Variants in FBXO8 observed in about 807,000 individuals in gnomAD.
FBXO8 encodes the protein F-box only protein 8.
A neutral mutation model predicts 33.4 loss-of-function variants in FBXO8; 15 were observed. The ratio of observed to expected loss-of-function variants is 0.45; its 90% confidence interval spans 0.30 to 0.69. The LOEUF is 0.69. FBXO8 is among the 30% of genes least tolerant of loss of function. The probability of loss-of-function intolerance (pLI) is 0.08; values close to 1 mark genes in which losing one functional copy is unlikely to be tolerated. For synonymous variants in FBXO8, 132 were observed against 131.5 expected (o/e 1.00, Z -0.02); for missense variants, 274 against 380.3 (o/e 0.72, Z 2.32).
intron 4 of FBXO8, among the ~76,000 whole-genome samples, chr4:174,240,551 A>G (rs929647670): frequency 2.6e-5 from 4 of 150,978 alleles, no homozygotes; most frequent in African/African-American, 9.7e-5. Flanking sequence ...GTACAAATGA[A>G]TAACTATCAA....
Position 174,262,678 on chromosome 4 carries a change from AT to A in FBXO8, c.329+85del. 1 of 1,164,584 alleles carries A rather than the reference AT, an allele frequency of 8.6e-7. No homozygotes were observed. The highest frequency in any genetic ancestry group is 1.6e-5 in the South Asian group (1 of 61,728). 72.1% of individuals were successfully genotyped at this position (1,164,584 alleles called of 1,614,324 possible). A position where few individuals can be genotyped will look rare whatever the true frequency, so the allele number is the denominator to read the frequency against. On this transcript the variant is annotated intron_variant, in intron 2 of 5. Transcript: ENST00000393674. The surrounding 1 kb of genome is among the most constrained non-coding windows in gnomAD (Gnocchi z 4.6). ...GTACAAGCCCAAGTTTAAAGAAAAT[AT>A]TTTGTAATATACATTATAAAAAGAA...
In FBXO8 at chr4:174,278,585, T is replaced by C. The variant is rs1160079575; in HGVS notation, c.-9+4825A>G. Among the ~76,000 whole-genome samples, 1 of 152,114 alleles carries C rather than the reference T, an allele frequency of 6.6e-6. No individual in the cohort carries two copies. The highest frequency in any genetic ancestry group is 1.5e-5 in the Non-Finnish European group (1 of 67,948). ...TGTATCATACTTCTCACTAGCATTA[T>C]TTTTAATTATATGGTTCTTACTTAA... is the stretch of plus-strand genomic sequence containing the variant. On this transcript the variant is annotated intron_variant, in intron 1 of 5. Transcript: ENST00000393674. The surrounding 1 kb of genome is among the most constrained non-coding windows in gnomAD (Gnocchi z 4.1).
In FBXO8 at chr4:174,262,300, A is replaced by G. The variant is rs1390799032; in HGVS notation, c.329+464T>C. On this transcript the variant is annotated intron_variant, in intron 2 of 5. Coordinates refer to ENST00000393674, the MANE Select transcript of FBXO8 (RefSeq NM_012180.3). The surrounding 1 kb of genome is among the most constrained non-coding windows in gnomAD (Gnocchi z 4.6). Reference sequence around the variant, plus strand: ...TTTGAAGAAATATAGAATTGAGTAAAAATGTAAGGCTCTATATGAAGAAAA... The same window carrying G: ...TTTGAAGAAATATAGAATTGAGTAAGAATGTAAGGCTCTATATGAAGAAAA... 6.6e-6 allele frequency among the ~76,000 whole-genome samples: 1 copy of G among 152,190 alleles called. No individual in the cohort carries two copies. The highest frequency in any genetic ancestry group is 1.5e-5 in the Non-Finnish European group (1 of 68,024).
chr4:174,261,323 G>GA lies in FBXO8; in HGVS notation c.329+1440dup, dbSNP rs1382663866. ...CAAATAGAAGCAATTTATTATTAAG[G>GA]AAAAAATCCAAGTATTATAAAAATA... On this transcript the variant is annotated intron_variant, in intron 2 of 5. Coordinates refer to ENST00000393674, the MANE Select transcript of FBXO8 (RefSeq NM_012180.3). The surrounding 1 kb of genome is among the most constrained non-coding windows in gnomAD (Gnocchi z 4.1). Among the ~76,000 whole-genome samples the GA allele has an allele frequency of 2.6e-5, 4 of 151,686 alleles. No homozygotes were observed. The highest frequency in any genetic ancestry group is 1.9e-4 in the East Asian group (1 of 5,160).
rs1435235749 is a variant in FBXO8 at position 174,256,493 on chromosome 4, G to C, written c.456+3206C>G. Among the ~76,000 whole-genome samples, 1 of 152,092 alleles carries C rather than the reference G, an allele frequency of 6.6e-6. No homozygotes were observed. The highest frequency in any genetic ancestry group is 1.5e-5 in the Non-Finnish European group (1 of 68,012). ...GCTAAAGTATGACTCATACAGATAAGTGCTATATAAGAACATTTATTAGGA... is the reference window on the plus strand; with the variant it reads ...GCTAAAGTATGACTCATACAGATAACTGCTATATAAGAACATTTATTAGGA... On this transcript the variant is annotated intron_variant, in intron 3 of 5. Coordinates refer to ENST00000393674, the MANE Select transcript of FBXO8 (RefSeq NM_012180.3). This position sits in a 1 kb window ranked among gnomAD's most constrained non-coding sequence, Gnocchi z 4.6.
chr4:174,260,915 A>G (rs1024631832), intron 2 of FBXO8, among the ~76,000 whole-genome samples: 1 of 151,932 alleles, frequency 6.6e-6, no homozygotes, highest in African/African-American at 2.4e-5. Context: ...TTCATTATTA[A>G]TTTCTGCCTC....
At position 174,270,616 on chromosome 4, in the gene FBXO8, T is replaced by C. The variant is rs768961134; in HGVS notation, c.-8-7516A>G. On this transcript the variant is annotated intron_variant, in intron 1 of 5. Transcript: ENST00000393674. The surrounding 1 kb of genome is among the most constrained non-coding windows in gnomAD (Gnocchi z 4.6). ...TTTATTCATGCTCATGTCTTAGGAA[T>C]AGTATTTTTTTTTTTTTTTGAGATT... is the stretch of plus-strand genomic sequence containing the variant. 6.7e-6 allele frequency among the ~76,000 whole-genome samples: 1 copy of C among 149,994 alleles called. No homozygotes were observed. The highest frequency in any genetic ancestry group is 1.5e-5 in the Non-Finnish European group (1 of 67,550).
chr4:174,279,404 A>T (rs1209512314), intron 1 of FBXO8, among the ~76,000 whole-genome samples: 1 of 152,078 alleles, frequency 6.6e-6, no homozygotes, highest in African/African-American at 2.4e-5. Context: ...TACAGATTGG[A>T]AGACTTATTA....
rs1313334851 is a variant in FBXO8, at chr4:174,262,124, G to A, written c.329+640C>T. ...TGGTTTTAATTCAGACTAGTACAAT[G>A]TGGAAATTTATGTAATCTAAGTTCA... On this transcript the variant is annotated intron_variant, in intron 2 of 5. Coordinates refer to ENST00000393674, the MANE Select transcript of FBXO8 (RefSeq NM_012180.3). The surrounding 1 kb of genome is among the most constrained non-coding windows in gnomAD (Gnocchi z 4.6). Among the ~76,000 whole-genome samples the A allele has an allele frequency of 6.6e-6, 1 of 152,016 alleles. No individual in the cohort carries two copies. The highest frequency in any genetic ancestry group is 1.5e-5 in the Non-Finnish European group (1 of 67,958).
rs1365701819 is a variant in FBXO8 at position 174,262,968 on chromosome 4, T to C, written c.125A>G (p.Asn42Ser). Residue 42 changes from asparagine to serine, a missense_variant, in exon 2 of 6, where the codon AAT (asparagine) becomes AGT (serine). Physicochemically the swap from Asn to Ser is conservative, Grantham distance 46. Around this residue, in one of 2 missense-constraint regions of FBXO8, gnomAD observed 88 missense variants for 86.9 expected, o/e 1.01. Transcript: ENST00000393674. This position sits in a 1 kb window ranked among gnomAD's most constrained non-coding sequence, Gnocchi z 4.6. ...GCCTCCTTGGACTTGTTTACGATGATTGGTGTTAGAAATGTTGCTCGCAGC... is the reference window on the plus strand; with the variant it reads ...GCCTCCTTGGACTTGTTTACGATGACTGGTGTTAGAAATGTTGCTCGCAGC... ...RMAASNISNT[N>S]HRKQVQGGID... is the part of the protein sequence containing the mutation. 8 of 1,614,026 alleles carry C rather than the reference T, an allele frequency of 5.0e-6. No homozygotes were observed. Among genetic ancestry groups the C allele is most frequent in the African/African-American group, 1.3e-5 (1 of 75,020 alleles).
At position 174,262,937 on chromosome 4, in the gene FBXO8, G is replaced by A. The variant is rs1461133105; in HGVS notation, c.156C>T (p.Asp52=). The change falls in exon 2 of 6, where the codon GAC becomes GAT. Residue 52 remains aspartate (D), a synonymous_variant. Coordinates refer to ENST00000393674, the MANE Select transcript of FBXO8 (RefSeq NM_012180.3). This position sits in a 1 kb window ranked among gnomAD's most constrained non-coding sequence, Gnocchi z 4.6. ...TCCTTGCCTTCAAAAGATGATATAT[G>A]TCAATGCCTCCTTGGACTTGTTTAC... The part of the protein sequence containing the change: ...NHRKQVQGGI[D]IYHLLKARKS... 3 of 1,614,028 alleles carry A rather than the reference G, an allele frequency of 1.9e-6. No individual in the cohort carries two copies. In the South Asian group the frequency reaches 3.3e-5, roughly 18 times the overall value.
chr4:174,273,038 T>A (rs936556020), intron 1 of FBXO8, among the ~76,000 whole-genome samples: 1 of 152,176 alleles, frequency 6.6e-6, no homozygotes, highest in Admixed American at 6.5e-5. Flanking sequence ...TGGTGGCTCA[T>A]GCCTCTAATC....
Position 174,237,660 on chromosome 4 carries a change from C to T in FBXO8, c.773-61G>A, listed in dbSNP as rs1314931035. ...GGTTTACAAAATATGATTCCAATGGCATTATATAAGGCAAAAATGTTCATA... is the reference window on the plus strand; with the variant it reads ...GGTTTACAAAATATGATTCCAATGGTATTATATAAGGCAAAAATGTTCATA... On this transcript the variant is annotated intron_variant, in intron 5 of 5. Coordinates refer to ENST00000393674, the MANE Select transcript of FBXO8 (RefSeq NM_012180.3). The surrounding 1 kb of genome is among the most constrained non-coding windows in gnomAD (Gnocchi z 4.4). The T allele has an allele frequency of 1.6e-5, 22 of 1,388,038 alleles. No individual in the cohort carries two copies. The highest frequency in any genetic ancestry group is 2.1e-5 in the Non-Finnish European group (21 of 1,017,130). 86.0% of individuals were successfully genotyped at this position (1,388,038 alleles called of 1,614,324 possible).
chr4:174,260,747 C>A (rs1174601324), intron 2 of FBXO8, among the ~76,000 whole-genome samples: 1 of 151,820 alleles, frequency 6.6e-6, no homozygotes, highest in African/African-American at 2.4e-5. Flanking sequence ...CACCAAAAAG[C>A]CTTAAATATA....
chr4:174,260,728 C>A (rs1047615121), intron 2 of FBXO8, among the ~76,000 whole-genome samples: 1 of 151,930 alleles, frequency 6.6e-6, no homozygotes, highest in African/African-American at 2.4e-5. Context: ...CCTGGAAATT[C>A]TGGATATCCA....
intron 1 of FBXO8, among the ~76,000 whole-genome samples, chr4:174,282,427 AC>A (rs1036015604): frequency 1.3e-5 from 2 of 152,198 alleles, no homozygotes; most frequent in Non-Finnish European, 2.9e-5. Context: ...GCAATAGACA[AC>A]TAATGAAGTA....
At position 174,270,119 on chromosome 4, in the gene FBXO8, T is replaced by A. The variant is rs1049425738; in HGVS notation, c.-8-7019A>T. ...TGAATGTGGACTGGCAACCAAACTG[T>A]GCGACCTTGAACACTCAGTGGTATT... On this transcript the variant is annotated intron_variant, in intron 1 of 5. Coordinates refer to ENST00000393674, the MANE Select transcript of FBXO8 (RefSeq NM_012180.3). The surrounding 1 kb of genome is among the most constrained non-coding windows in gnomAD (Gnocchi z 4.6). Among the ~76,000 whole-genome samples the A allele has an allele frequency of 6.6e-6, 1 of 152,220 alleles. No individual in the cohort carries two copies. Among genetic ancestry groups the A allele is most frequent in the African/African-American group, 2.4e-5 (1 of 41,464 alleles).
rs1390242715 is a variant in FBXO8, at chr4:174,263,616, T to C, written c.-8-516A>G. 1.3e-5 allele frequency among the ~76,000 whole-genome samples: 2 copies of C among 152,278 alleles called. No homozygotes were observed. Among genetic ancestry groups the C allele is most frequent in the East Asian group, 3.9e-4 (2 of 5,182 alleles). On this transcript the variant is annotated intron_variant, in intron 1 of 5. Coordinates refer to ENST00000393674, the MANE Select transcript of FBXO8 (RefSeq NM_012180.3). This position sits in a 1 kb window ranked among gnomAD's most constrained non-coding sequence, Gnocchi z 4.2. Reference sequence around the variant, plus strand: ...TAATTCTTGCCAGTCTACACTTACATTGTAGACTGTAATAAAATGTAACAT... The same window carrying C: ...TAATTCTTGCCAGTCTACACTTACACTGTAGACTGTAATAAAATGTAACAT...
intron 3 of FBXO8, among the ~76,000 whole-genome samples, chr4:174,249,932 C>A (rs779057926): frequency 4.6e-5 from 7 of 151,832 alleles, no homozygotes; most frequent in African/African-American, 1.7e-4. Context: ...AAGGACCATT[C>A]GTCAGGTGTC....
Sources: gnomAD v4.1 joint callset for allele counts (sites outside exome capture counted in the v4.1 genomes callset) on GRCh38, gnomAD v4.1.1 for gene constraint, gnomAD v4.1.1 regional missense constraint, Gnocchi (gnomAD v3.1) non-coding constraint, MANE v1.5 for transcripts, NCBI Gene and HGNC (gene_info 2026-07-23, HGNC 2026-07-21) for gene names.